The following CYP4X1 variants were observed in gnomAD, a reference collection of about 807,000 sequenced individuals.
CYP4X1 encodes cytochrome P450 4X1.
CYP4X1 carries 44 observed loss-of-function variants against 57.9 expected under a neutral mutation model. The ratio of observed to expected loss-of-function variants is 0.76; its 90% confidence interval spans 0.60 to 0.98. The LOEUF (loss-of-function observed/expected upper bound fraction) is 0.98. Among genes scored for constraint, CYP4X1 ranks in the 50% least tolerant of loss-of-function variants. The probability of loss-of-function intolerance (pLI) is 0.00; values close to 1 mark genes in which losing one functional copy is unlikely to be tolerated. For synonymous variants in CYP4X1, 227 were observed against 228.6 expected (o/e 0.99, Z 0.06); for missense variants, 532 against 623.9 (o/e 0.85, Z 1.57).
rs1182455561 is a variant in CYP4X1 at position 47,035,900 on chromosome 1, C to T, written c.587C>T (p.Ala196Val). 1.2e-6 allele frequency: 2 copies of T among 1,613,702 alleles called. No homozygotes were observed. Among genetic ancestry groups the T allele is most frequent in the Non-Finnish European group, 1.7e-6 (2 of 1,179,784 alleles). The change falls in exon 5 of 12, where the codon GCT (alanine) becomes GTT (valine). Residue 196 changes from alanine (A) to valine (V), a missense_variant. By Grantham distance (64) the Ala-to-Val change is moderately conservative. Transcript: ENST00000371901. ...TCTCTGGATATAATCATGAAATGCG[C>T]TTTCAGCAAGGAGACCAACTGCCAG... ...SMSLDIIMKC[A>V]FSKETNCQTN... is the part of the protein sequence containing the mutation.
intron 8 of CYP4X1, 57 bp from the exon 9 acceptor site, chr1:47,046,410 A>C: frequency 2.5e-6 from 4 of 1,601,406 alleles, no homozygotes; most frequent in Non-Finnish European, 3.4e-6. Context: ...AACAGAAAAC[A>C]GAAAAAAAGT....
At chr1:46,995,145 C>A in the CYP4X1 span, among the ~76,000 whole-genome samples, 68 of 151,960 alleles carry the variant, frequency 4.5e-4, no homozygotes, top group African/African-American at 1.5e-3. Flanking sequence ...AAGCCTCAGG[C>A]TCACTATATA....
chr1:47,034,215 C>T (rs1644154971), intron 4 of CYP4X1, among the ~76,000 whole-genome samples: 1 of 152,172 alleles, frequency 6.6e-6, no homozygotes, highest in South Asian at 2.1e-4. Flanking sequence ...TTGGCATGGA[C>T]TTGCCCAGTG....
At chr1:46,984,958 C>G in the CYP4X1 span, among the ~76,000 whole-genome samples, 1 of 142,794 alleles carries the variant, frequency 7.0e-6, no homozygotes, top group East Asian at 1.9e-4. Flanking sequence ...GATCCACTGA[C>G]TTGAAATTCT....
upstream of CYP4X1, among the ~76,000 whole-genome samples, chr1:47,021,023 G>C (rs1220717221): frequency 6.6e-6 from 1 of 151,326 alleles, no homozygotes; most frequent in Admixed American, 6.6e-5. Context: ...GGAGTCTCAT[G>C]GGGCTTATTT....
At chr1:47,007,589 C>T in the CYP4X1 span, among the ~76,000 whole-genome samples, 48,415 of 152,028 alleles carry the variant, frequency 0.32, 8,206 homozygotes, top group East Asian at 0.51. Context: ...ATGACTTTGA[C>T]GAGTTGAGAG....
downstream of CYP4X1, among the ~76,000 whole-genome samples, chr1:47,054,282 C>CT (rs1326551993): frequency 1.3e-5 from 2 of 152,016 alleles, no homozygotes. Flanking sequence ...ATCTATATCT[C>CT]TGTTTTGGTA....
At chr1:47,008,882 A>C in the CYP4X1 span, among the ~76,000 whole-genome samples, 8 of 152,228 alleles carry the variant, frequency 5.3e-5, no homozygotes, top group African/African-American at 1.9e-4. Flanking sequence ...TATCCTAAAT[A>C]TATATGCACT....
chr1:46,971,561 T>G, the CYP4X1 span, among the ~76,000 whole-genome samples: 2 of 152,356 alleles, frequency 1.3e-5, no homozygotes, highest in African/African-American at 4.8e-5. Context: ...CATTGCCTTT[T>G]CTCTGCAAAC....
chr1:47,034,393 C>G (rs1031836179), intron 4 of CYP4X1, among the ~76,000 whole-genome samples: 42 of 152,202 alleles, frequency 2.8e-4, no homozygotes, highest in African/African-American at 8.4e-4. Flanking sequence ...TTCCAAAACT[C>G]TATTTGTACA....
upstream of CYP4X1, among the ~76,000 whole-genome samples, chr1:47,019,486 C>G (rs1295966712): frequency 6.6e-6 from 1 of 152,220 alleles, no homozygotes; most frequent in Non-Finnish European, 1.5e-5. Context: ...TGTATAAGGG[C>G]ACTGGCTCTA....
chr1:46,964,058 C>T, the CYP4X1 span, among the ~76,000 whole-genome samples: 1 of 152,224 alleles, frequency 6.6e-6, no homozygotes, highest in African/African-American at 2.4e-5. Context: ...CTTATGCATT[C>T]ATCACGTAGT....
the CYP4X1 span, among the ~76,000 whole-genome samples, chr1:46,976,407 C>T: frequency 2.0e-5 from 3 of 152,154 alleles, no homozygotes; most frequent in Non-Finnish European, 4.4e-5. Flanking sequence ...GGGCATCCAC[C>T]ATTGCTGAGG....
chr1:47,034,677 C>A (rs1358412324), intron 4 of CYP4X1, among the ~76,000 whole-genome samples: 1 of 152,128 alleles, frequency 6.6e-6, no homozygotes, highest in Non-Finnish European at 1.5e-5. Context: ...AGAGACTGTG[C>A]AGTGCAAGCT....
At chr1:46,994,322 T>C in the CYP4X1 span, 1 of 152,304 alleles carries the variant, frequency 6.6e-6, no homozygotes, top group African/African-American at 2.4e-5. Flanking sequence ...CATGCTGTTT[T>C]GATTACTGTA....
downstream of CYP4X1, among the ~76,000 whole-genome samples, chr1:47,053,664 G>A (rs1020061188): frequency 6.6e-6 from 1 of 152,124 alleles, no homozygotes. Flanking sequence ...TTCTCTGATG[G>A]CCAGTGATGA....
At chr1:46,980,089 C>G in the CYP4X1 span, among the ~76,000 whole-genome samples, 1 of 152,150 alleles carries the variant, frequency 6.6e-6, no homozygotes, top group Non-Finnish European at 1.5e-5. Flanking sequence ...CCCTCTCTCA[C>G]CACCCCTATT....
chr1:47,027,121 T>C (rs1553390), intron 1 of CYP4X1, among the ~76,000 whole-genome samples: 44,247 of 152,108 alleles, frequency 0.29, 7,155 homozygotes, highest in East Asian at 0.7. Flanking sequence ...TTTCAGACTA[T>C]TTATTGCATT....
At chr1:46,963,222 G>A in the CYP4X1 span, among the ~76,000 whole-genome samples, 3 of 152,170 alleles carry the variant, frequency 2.0e-5, no homozygotes, top group African/African-American at 7.2e-5. Context: ...GCCAGTCTGT[G>A]TCTTTTAGTT....
Sources: gnomAD v4.1 joint callset for allele counts (sites outside exome capture counted in the v4.1 genomes callset) on GRCh38, gnomAD v4.1.1 for gene constraint, MANE v1.5 for transcripts, NCBI Gene and HGNC (gene_info 2026-07-23, HGNC 2026-07-21) for gene names.